The following NRG2 variants were observed in gnomAD, a reference collection of about 807,000 sequenced individuals.
NRG2 encodes pro-neuregulin-2, membrane-bound isoform.
NRG2 carries 27 observed loss-of-function variants against 73.9 expected under a neutral mutation model. The ratio of observed to expected loss-of-function variants is 0.37; its 90% CI spans 0.27 to 0.50. The LOEUF (loss-of-function observed/expected upper bound fraction) is 0.50. NRG2 is among the 20% of genes least tolerant of loss of function. NRG2 has a pLI of 0.96. For missense variants in NRG2, 1,126 were observed against 1,210.1 expected, an observed-to-expected ratio of 0.93 and a Z score of 1.03; for synonymous variants, 532 against 541.0, an observed-to-expected ratio of 0.98 and a Z score of 0.23.
chr5:139,911,360 A>C (rs1443521771), intron 1 of NRG2, among the ~76,000 whole-genome samples: 1 of 152,086 alleles, frequency 6.6e-6, no homozygotes, highest in African/African-American at 2.4e-5. Flanking sequence ...TCCCAGTGAG[A>C]GGGGAAGGAC....
chr5:139,948,670 G>A (rs1753974469), intron 1 of NRG2, among the ~76,000 whole-genome samples: 1 of 152,178 alleles, frequency 6.6e-6, no homozygotes, highest in Admixed American at 6.5e-5. Context: ...TTGTTGAATG[G>A]TTTTAAGCAG....
At chr5:139,897,460 C>T (rs905229516) in intron 1 of NRG2, among the ~76,000 whole-genome samples, 7 of 152,320 alleles carry the variant, frequency 4.6e-5, no homozygotes, top group African/African-American at 1.7e-4. Context: ...CTCTGCCTCA[C>T]AGACTTCCTG....
intron 5 of NRG2, chr5:139,864,873 C>G: frequency 1.7e-6 from 1 of 588,920 alleles, no homozygotes; most frequent in Non-Finnish European, 3.1e-6. Context: ...CTGCCCGACC[C>G]CAGAAGTTGG....
At chr5:139,941,056 A>C (rs73791248) in intron 1 of NRG2, among the ~76,000 whole-genome samples, 1,957 of 152,336 alleles carry the variant, frequency 0.013, 31 homozygotes, top group African/African-American at 0.044. Flanking sequence ...TACAAAGATC[A>C]CAAGGAAAGA....
intron 1 of NRG2, among the ~76,000 whole-genome samples, chr5:139,977,179 G>A (rs568039035): frequency 3.9e-5 from 6 of 152,278 alleles, no homozygotes; most frequent in African/African-American, 1.4e-4. Context: ...TAATACTATA[G>A]AACACTGGGT....
chr5:139,947,551 A>G (rs1235976156), intron 1 of NRG2, among the ~76,000 whole-genome samples: 1 of 152,184 alleles, frequency 6.6e-6, no homozygotes, highest in Non-Finnish European at 1.5e-5. Flanking sequence ...TTTGTGTACA[A>G]GTTTTTGTAA....
At chr5:139,974,966 A>G (rs264340) in intron 1 of NRG2, among the ~76,000 whole-genome samples, 51,892 of 152,122 alleles carry the variant, frequency 0.34, 9,684 homozygotes, top group African/African-American at 0.5. Context: ...GTCTGTATGT[A>G]GGCCATGCGC....
At chr5:140,011,126 C>T (rs1439421421) in intron 1 of NRG2, among the ~76,000 whole-genome samples, 1 of 152,238 alleles carries the variant, frequency 6.6e-6, no homozygotes, top group Non-Finnish European at 1.5e-5. Context: ...CTAAACTTCT[C>T]AGCATAGCCT....
At chr5:140,001,628 A>G (rs1384558852) in intron 1 of NRG2, among the ~76,000 whole-genome samples, 3 of 151,996 alleles carry the variant, frequency 2.0e-5, no homozygotes, top group South Asian at 2.1e-4. Context: ...TTGGCAGGGC[A>G]AGGTGGGAGG....
At chr5:139,955,685 C>A (rs1754569157) in intron 1 of NRG2, among the ~76,000 whole-genome samples, 1 of 152,136 alleles carries the variant, frequency 6.6e-6, no homozygotes, top group Admixed American at 6.5e-5. Flanking sequence ...GGTGGGATAT[C>A]AGTAAGTAGA....
At chr5:140,004,009 A>G (rs1250581154) in intron 1 of NRG2, among the ~76,000 whole-genome samples, 1 of 152,138 alleles carries the variant, frequency 6.6e-6, no homozygotes, top group Non-Finnish European at 1.5e-5. Context: ...TAAACTAAGT[A>G]ATTTTCTATG....
At position 140,042,622 on chromosome 5, in the gene NRG2, G is replaced by T; in HGVS notation, c.448C>A (p.Arg150=). Residue 150 remains arginine (R), a synonymous_variant, in exon 1 of 10, where the codon CGA becomes AGA. Transcript: ENST00000361474. ...ACCCGACCCGAGGCGGGCGGCTCTCGGGTGCTGTTGGAGCTGGAGCCGCCG... is the reference window on the plus strand; with the variant it reads ...ACCCGACCCGAGGCGGGCGGCTCTCTGGTGCTGTTGGAGCTGGAGCCGCCG... ...PAGGSSSNST[R]EPPASGRVAL... is the part of the protein sequence containing the mutation. The T allele has an allele frequency of 6.2e-7, 1 of 1,606,440 alleles. No individual in the cohort carries two copies. The highest frequency in any genetic ancestry group is 8.5e-7 in the Non-Finnish European group (1 of 1,177,544).
chr5:139,927,613 A>C (rs1752154316), intron 1 of NRG2, among the ~76,000 whole-genome samples: 1 of 151,960 alleles, frequency 6.6e-6, no homozygotes, highest in Admixed American at 6.6e-5. Flanking sequence ...AAAATACAAA[A>C]ATTAGGTGGG....
At chr5:139,901,428 A>C (rs950348362) in intron 1 of NRG2, among the ~76,000 whole-genome samples, 3 of 152,224 alleles carry the variant, frequency 2.0e-5, no homozygotes, top group Admixed American at 2.0e-4. Flanking sequence ...CCAGGGGCCA[A>C]GACCAGAGGT....
At chr5:139,864,013 C>T (rs1228411540) in intron 5 of NRG2, among the ~76,000 whole-genome samples, 2 of 152,220 alleles carry the variant, frequency 1.3e-5, no homozygotes, top group Non-Finnish European at 2.9e-5. Flanking sequence ...CCTACATGGT[C>T]CCCTGGATCC....
chr5:139,933,143 C>T (rs957652144), intron 1 of NRG2, among the ~76,000 whole-genome samples: 3 of 152,114 alleles, frequency 2.0e-5, no homozygotes, highest in Admixed American at 6.5e-5. Flanking sequence ...AGCATGGTGG[C>T]ACCTGCCTGT....
Position 139,848,589 on chromosome 5 carries a change from G to T in NRG2, c.1881C>A (p.His627Gln). 1 of 1,566,660 alleles carries T rather than the reference G, an allele frequency of 6.4e-7. No homozygotes were observed. Among genetic ancestry groups the T allele is most frequent in the Non-Finnish European group, 8.6e-7 (1 of 1,166,864 alleles). The part of the protein sequence containing the change: ...TFEITSPNSA[H>Q]AVSLPPAAPI... ...GCGCCGCCGGCGGCAGCGACACGGC[G>T]TGCGCCGAGTTGGGGGACGTGATCT... The change falls in exon 10 of 10, where the codon CAC (histidine) becomes CAA (glutamine). Residue 627 changes from histidine (H) to glutamine (Q), a missense_variant. Physicochemically the swap from His to Gln is conservative, Grantham distance 24. This residue lies in a region of NRG2 where 402 missense variants were observed against 357.8 expected (regional missense o/e 1.12). Coordinates refer to ENST00000361474, the MANE Select transcript of NRG2 (RefSeq NM_004883.3).
At chr5:139,952,158 C>T (rs1754254075) in intron 1 of NRG2, among the ~76,000 whole-genome samples, 1 of 152,226 alleles carries the variant, frequency 6.6e-6, no homozygotes, top group African/African-American at 2.4e-5. Flanking sequence ...AAGCATCTTG[C>T]TCAGTGCCTG....
chr5:139,887,376 C>T lies in NRG2; in HGVS notation c.836G>A (p.Arg279His), dbSNP rs374166415. 149 of 1,614,082 alleles carry T rather than the reference C, an allele frequency of 9.2e-5. 1 individual carries two copies. The highest frequency in any genetic ancestry group is 1.6e-4 in the Middle Eastern group (1 of 6,082). Residue 279 changes from arginine to histidine, a missense_variant, in exon 2 of 10, where the codon CGC becomes CAC. Physicochemically the swap from Arg to His is conservative, Grantham distance 29. This residue lies in a region of NRG2 where 539 missense variants were observed against 703.2 expected (regional missense o/e 0.77). Transcript: ENST00000361474. The surrounding 1 kb of genome is among the most constrained non-coding windows in gnomAD (Gnocchi z 4.5). ...ATATTTGATGCGAATGTCTCGGCTG[C>T]GGTTGAGCTCCTTGCCATCCTTGAA... ...RWFKDGKELN[R>H]SRDIRIKYGN...
Sources: allele counts gnomAD v4.1 joint callset (sites outside exome capture counted in the v4.1 genomes callset), GRCh38; gene constraint gnomAD v4.1.1; regional missense constraint gnomAD v4.1.1; non-coding constraint Gnocchi (gnomAD v3.1); transcripts MANE v1.5; gene names NCBI Gene and HGNC (gene_info 2026-07-23, HGNC 2026-07-21).